Variants in KALRN observed in about 807,000 individuals in gnomAD.
The protein encoded by KALRN is kalirin.
KALRN carries 70 observed loss-of-function variants against 353.7 expected under a neutral mutation model. The ratio of observed to expected loss-of-function variants is 0.20; its 90% confidence interval spans 0.16 to 0.24. KALRN has a LOEUF of 0.24. Ranked by LOEUF, KALRN falls within the 10% of genes least tolerant of loss-of-function variation. KALRN has a pLI of 1.00. For missense variants in KALRN, 2,791 were observed against 3,756.7 expected (o/e 0.74, Z 6.72); for synonymous variants, 1,391 against 1,434.8 (o/e 0.97, Z 0.69).
chr3:124,554,953 G>C (rs183885102), intron 33 of KALRN, among the ~76,000 whole-genome samples: 196 of 152,190 alleles, frequency 1.3e-3, no homozygotes, highest in African/African-American at 4.4e-3. Context: ...TAGCATTCTG[G>C]GATCCAAGAG....
chr3:124,445,829 A>G (rs1480178582), intron 19 of KALRN, among the ~76,000 whole-genome samples: 6 of 152,188 alleles, frequency 3.9e-5, no homozygotes, highest in Non-Finnish European at 8.8e-5. Context: ...CAATTGAATT[A>G]GTTGCTTCTT....
intron 7 of KALRN, among the ~76,000 whole-genome samples, chr3:124,328,592 C>T (rs1328761141): frequency 6.6e-6 from 1 of 152,188 alleles, no homozygotes; most frequent in Non-Finnish European, 1.5e-5. Flanking sequence ...TGATCTGATA[C>T]TCGATGGCAC....
Position 124,253,812 on chromosome 3 carries a change from ACC to A in KALRN, c.264-10684_264-10683del, listed in dbSNP as rs2071511605. Among the ~76,000 whole-genome samples, 3 of 152,274 alleles carry A rather than the reference ACC, an allele frequency of 2.0e-5. No homozygotes were observed. The South Asian group carries it at 6.2e-4, about 32-fold the overall frequency. On this transcript the variant is annotated intron_variant, in intron 3 of 59. Transcript: ENST00000682506. ...ACACTGCTGATACCCTGAAACACAC[ACC>A]CAGGCCAAAGGAACCAGCCCCCAGC...
chr3:124,546,768 G>A (rs2069724732), intron 33 of KALRN, among the ~76,000 whole-genome samples: 1 of 152,204 alleles, frequency 6.6e-6, no homozygotes, highest in Non-Finnish European at 1.5e-5. Flanking sequence ...CCTTTTCAGG[G>A]AGATGAGAAG....
intron 33 of KALRN, among the ~76,000 whole-genome samples, chr3:124,521,134 A>G (rs1311462367): frequency 6.6e-6 from 1 of 152,206 alleles, no homozygotes; most frequent in Non-Finnish European, 1.5e-5. Flanking sequence ...TCTTTGCAGC[A>G]CACATCCATG....
At chr3:124,693,300 G>GATGA (rs1423061488) in intron 51 of KALRN, among the ~76,000 whole-genome samples, 1 of 152,172 alleles carries the variant, frequency 6.6e-6, no homozygotes, top group Non-Finnish European at 1.5e-5. Flanking sequence ...CCTGCGTGGG[G>GATGA]ATGAGTAAAG....
chr3:124,049,580 AAG>A (rs750155780), intron 1 of KALRN, among the ~76,000 whole-genome samples: 21 of 152,196 alleles, frequency 1.4e-4, no homozygotes, highest in Non-Finnish European at 2.6e-4. Flanking sequence ...GTGTGGTTGA[AAG>A]CTGAGCTGGG....
At chr3:124,264,916 G>C (rs944244048) in intron 4 of KALRN, among the ~76,000 whole-genome samples, 1 of 152,160 alleles carries the variant, frequency 6.6e-6, no homozygotes, top group East Asian at 1.9e-4. Flanking sequence ...CTTATTTACT[G>C]TTGGTGGTTG....
At chr3:124,154,895 A>G (rs1302767407) in intron 1 of KALRN, among the ~76,000 whole-genome samples, 1 of 152,224 alleles carries the variant, frequency 6.6e-6, no homozygotes, top group Non-Finnish European at 1.5e-5. Context: ...ACAGCATGGT[A>G]CTGGTACCAA....
intron 1 of KALRN, among the ~76,000 whole-genome samples, chr3:124,193,895 C>G (rs2075181394): frequency 6.6e-6 from 1 of 152,056 alleles, no homozygotes; most frequent in South Asian, 2.1e-4. Context: ...TTTAAGAACT[C>G]TTTATAAGTA....
intron 5 of KALRN, among the ~76,000 whole-genome samples, chr3:124,277,572 G>T (rs559690591): frequency 3.4e-4 from 52 of 152,218 alleles, no homozygotes; most frequent in Non-Finnish European, 6.9e-4. Flanking sequence ...GCATGTGTGT[G>T]TTTTCTCCCA....
intron 34 of KALRN, among the ~76,000 whole-genome samples, chr3:124,630,875 C>T (rs1307440938): frequency 6.6e-6 from 1 of 152,170 alleles, no homozygotes; most frequent in African/African-American, 2.4e-5. Flanking sequence ...AATCACTGTG[C>T]CTTTAAAACA....
chr3:124,490,477 G>T (rs1432460359), intron 29 of KALRN, among the ~76,000 whole-genome samples: 2 of 152,166 alleles, frequency 1.3e-5, no homozygotes, highest in Non-Finnish European at 2.9e-5. Flanking sequence ...GTATATAAAA[G>T]ACATGGTGCA....
chr3:124,613,309 C>T (rs2078210754), intron 34 of KALRN, among the ~76,000 whole-genome samples: 2 of 152,178 alleles, frequency 1.3e-5, no homozygotes, highest in East Asian at 3.8e-4. Context: ...TTGCCTTATC[C>T]GTTGGTCTCT....
At chr3:124,617,672 C>T (rs1418102946) in intron 34 of KALRN, among the ~76,000 whole-genome samples, 1 of 152,188 alleles carries the variant, frequency 6.6e-6, no homozygotes, top group Non-Finnish European at 1.5e-5. Flanking sequence ...CTTGTTAAAA[C>T]ACAGGATACT....
At chr3:124,103,950 C>T (rs2062076597) in intron 1 of KALRN, among the ~76,000 whole-genome samples, 2 of 151,928 alleles carry the variant, frequency 1.3e-5, no homozygotes, top group Non-Finnish European at 2.9e-5. Context: ...AGCGAGACTC[C>T]ATCTCCAAGA....
rs948236588 is a variant in KALRN at position 124,439,125 on chromosome 3, T to TTCTCTTTCTC, written c.3198+100_3198+109dup. ...CTCTTTCTCTTTCTCTTTTCTTTCT[T>TTCTCTTTCTC]TCTCTTTCTCTCTCTTTCTCTTTCT... On this transcript the variant is annotated intron_variant, in intron 18 of 59. Coordinates refer to ENST00000682506, the MANE Select transcript of KALRN (RefSeq NM_001388419.1). 9.0e-6 allele frequency: 12 copies of TTCTCTTTCTC among 1,337,018 alleles called. No homozygotes were observed. In the South Asian group the frequency reaches 1.4e-4, roughly 15 times the overall value. The allele number at this position is 1,337,018 out of a possible 1,614,324, so 82.8% of individuals were successfully genotyped here.
At chr3:124,597,393 C>T (rs779293533) in intron 34 of KALRN, among the ~76,000 whole-genome samples, 37 of 152,296 alleles carry the variant, frequency 2.4e-4, no homozygotes, top group African/African-American at 7.5e-4. Flanking sequence ...AACAGTGCTG[C>T]GAGGTCCTGC....
At chr3:124,707,013 T>G (rs1281094857) in intron 57 of KALRN, among the ~76,000 whole-genome samples, 1 of 151,874 alleles carries the variant, frequency 6.6e-6, no homozygotes, top group African/African-American at 2.4e-5. Flanking sequence ...TACCTGGGTA[T>G]CAAATTAAAT....
Sources: gnomAD v4.1 joint callset for allele counts (sites outside exome capture counted in the v4.1 genomes callset) on GRCh38, gnomAD v4.1.1 for gene constraint, MANE v1.5 for transcripts, NCBI Gene and HGNC (gene_info 2026-07-23, HGNC 2026-07-21) for gene names.